The following FRMPD2 variants were observed in gnomAD, a reference collection of about 807,000 sequenced individuals.
FRMPD2 encodes FERM and PDZ domain-containing protein 2.
A neutral mutation model predicts 140.1 loss-of-function variants in FRMPD2; 96 were observed. The observed-to-expected ratio is 0.69, with a 90% CI of 0.58 to 0.81. FRMPD2 has a LOEUF of 0.81. FRMPD2 is among the 40% of genes least tolerant of loss of function. FRMPD2 has a pLI of 0.00. For synonymous variants in FRMPD2, 449 were observed against 547.6 expected (o/e 0.82, Z 2.52); for missense variants, 1,240 against 1,447.4 (o/e 0.86, Z 2.32).
intron 12 of FRMPD2, among the ~76,000 whole-genome samples, chr10:48,221,676 A>G (rs940283804): frequency 6.6e-6 from 1 of 152,260 alleles, no homozygotes; most frequent in Non-Finnish European, 1.5e-5. Flanking sequence ...TCAATAAATT[A>G]GTAAATTACT....
intron 1 of FRMPD2, among the ~76,000 whole-genome samples, chr10:48,257,920 G>T (rs1007111994): frequency 3.3e-5 from 5 of 152,228 alleles, no homozygotes; most frequent in Non-Finnish European, 5.9e-5. Context: ...CCAACTATGG[G>T]ATTTTTAAGA....
intron 13 of FRMPD2, among the ~76,000 whole-genome samples, chr10:48,207,228 C>T (rs918413928): frequency 6.0e-5 from 9 of 150,554 alleles, no homozygotes; most frequent in Non-Finnish European, 1.0e-4. Context: ...GAAAATAACA[C>T]AGTACAATAA....
intron 9 of FRMPD2, among the ~76,000 whole-genome samples, chr10:48,233,608 A>G (rs979069134): frequency 3.3e-5 from 5 of 152,004 alleles, no homozygotes; most frequent in Non-Finnish European, 7.4e-5. Context: ...TGCCCTCTGG[A>G]CACTCTTAAT....
Position 48,222,529 on chromosome 10 carries a change from T to G in FRMPD2, c.1317-78A>C, listed in dbSNP as rs1325806602. On this transcript the variant is annotated intron_variant, in intron 11 of 28. Coordinates refer to ENST00000374201, the MANE Select transcript of FRMPD2 (RefSeq NM_001018071.4). Reference sequence around the variant, plus strand: ...TGTTAGCACCAGTGGGTTTTCTCAGTGTGGGAAGTTGGAAAAGTAGGGAAG... The same window carrying G: ...TGTTAGCACCAGTGGGTTTTCTCAGGGTGGGAAGTTGGAAAAGTAGGGAAG... 8 of 1,492,288 alleles carry G rather than the reference T, an allele frequency of 5.4e-6. No individual in the cohort carries two copies. The Admixed American group carries it at 7.7e-5, about 14-fold the overall frequency. 92.4% of individuals were successfully genotyped at this position (1,492,288 alleles called of 1,614,324 possible).
At position 48,249,056 on chromosome 10, in the gene FRMPD2, C is replaced by A. The variant is rs1448738009; in HGVS notation, c.274G>T (p.Gly92Ter). Residue 92 changes from glycine (G) to a stop codon, truncating the protein, a stop_gained, in exon 3 of 29, where the codon GGA becomes TGA. Transcript: ENST00000374201. LOFTEE classifies it high-confidence loss of function. ...TCAGGCTGCTCATCCTCACTCTGTCCCTGTAGCAGTTCAGGGGCCTTGAAA... is the reference window on the plus strand; with the variant it reads ...TCAGGCTGCTCATCCTCACTCTGTCACTGTAGCAGTTCAGGGGCCTTGAAA... The part of the protein sequence containing the change: ...APFKAPELLQ[G>*]QSEDEQPDAS... The A allele has an allele frequency of 6.2e-7, 1 of 1,613,598 alleles. No homozygotes were observed. Among genetic ancestry groups the A allele is most frequent in the South Asian group, 1.1e-5 (1 of 91,004 alleles).
rs76888038 is a variant in FRMPD2 at position 48,267,468 on chromosome 10, C to A, written c.25+7075G>T. 2.9e-4 allele frequency among the ~76,000 whole-genome samples: 44 copies of A among 152,224 alleles called. No homozygotes were observed. In the East Asian group the frequency reaches 6.6e-3, roughly 23 times the overall value. ...GAACAAGAGAAATGACCCAATCGGACAACAGACATCAAAAGACATTTCTGT... is the reference window on the plus strand; with the variant it reads ...GAACAAGAGAAATGACCCAATCGGAAAACAGACATCAAAAGACATTTCTGT... On this transcript the variant is annotated intron_variant, in intron 1 of 28. Coordinates refer to ENST00000374201, the MANE Select transcript of FRMPD2 (RefSeq NM_001018071.4).
intron 3 of FRMPD2, among the ~76,000 whole-genome samples, chr10:48,246,202 C>T (rs1310536239): frequency 6.6e-6 from 1 of 152,180 alleles, no homozygotes; most frequent in Non-Finnish European, 1.5e-5. Flanking sequence ...CTGCCACCCG[C>T]AAGGCTGGTC....
intron 3 of FRMPD2, 70 bp downstream of exon 3, chr10:48,248,951 A>T (rs1840314313): frequency 7.2e-7 from 1 of 1,388,186 alleles, no homozygotes; most frequent in African/African-American, 1.5e-5. Context: ...GGAGCTGGGG[A>T]GGCTGCCGCT....
intron 15 of FRMPD2, among the ~76,000 whole-genome samples, chr10:48,198,598 T>A (rs944567544): frequency 2.6e-5 from 4 of 152,240 alleles, no homozygotes; most frequent in Non-Finnish European, 4.4e-5. Flanking sequence ...ATAGTTTTTT[T>A]TTCTAATTCT....
Position 48,232,299 on chromosome 10 carries a change from A to G in FRMPD2, c.994-10T>C. On this transcript the variant is annotated splice_polypyrimidine_tract_variant and intron_variant, in intron 9 of 28. Transcript: ENST00000374201. Reference sequence around the variant, plus strand: ...ATTTCCCTTTTTTGGTCTGAAAACAACAACAGTATCAATTATACTACAATT... The same window carrying G: ...ATTTCCCTTTTTTGGTCTGAAAACAGCAACAGTATCAATTATACTACAATT... The G allele has an allele frequency of 3.8e-6, 6 of 1,599,218 alleles. No homozygotes were observed. The highest frequency in any genetic ancestry group is 5.1e-6 in the Non-Finnish European group (6 of 1,170,454).
chr10:48,161,929 C>T (rs1432888659), intron 28 of FRMPD2, among the ~76,000 whole-genome samples: 2 of 150,120 alleles, frequency 1.3e-5, no homozygotes, highest in Admixed American at 1.3e-4. Context: ...CAGCTTGTAC[C>T]TATACCCAGG....
At chr10:48,203,579 T>C (rs1480091583) in intron 14 of FRMPD2, among the ~76,000 whole-genome samples, 1 of 152,202 alleles carries the variant, frequency 6.6e-6, no homozygotes, top group East Asian at 1.9e-4. Flanking sequence ...TTTCAAAGCA[T>C]CAGTTTACCA....
chr10:48,271,573 A>G (rs17009545), intron 1 of FRMPD2, among the ~76,000 whole-genome samples: 4,922 of 152,194 alleles, frequency 0.032, 94 homozygotes, highest in Non-Finnish European at 0.043. Context: ...CTCTATTTCC[A>G]ACAATGTTGG....
chr10:48,260,177 C>CTA (rs1206366483), intron 1 of FRMPD2, among the ~76,000 whole-genome samples: 6 of 150,948 alleles, frequency 4.0e-5, no homozygotes, highest in African/African-American at 1.2e-4. Flanking sequence ...ATAGATAGAT[C>CTA]TATATATATA....
At chr10:48,221,862 G>GTAGA (rs1054472997) in intron 12 of FRMPD2, among the ~76,000 whole-genome samples, 9 of 151,634 alleles carry the variant, frequency 5.9e-5, no homozygotes, top group African/African-American at 9.7e-5. Context: ...GGATGGATAG[G>GTAGA]TAGATGGATG....
chr10:48,193,784 G>A (rs1174969306), intron 15 of FRMPD2, among the ~76,000 whole-genome samples: 1 of 152,096 alleles, frequency 6.6e-6, no homozygotes, highest in African/African-American at 2.4e-5. Flanking sequence ...CACTTCTAGA[G>A]CCTGGTGAAG....
At chr10:48,241,640 C>G (rs887324143) in intron 5 of FRMPD2, among the ~76,000 whole-genome samples, 2 of 152,224 alleles carry the variant, frequency 1.3e-5, no homozygotes, top group Non-Finnish European at 2.9e-5. Context: ...AAGCCAAATG[C>G]CTCCCATGTG....
chr10:48,221,639 A>G (rs979519635), intron 12 of FRMPD2, among the ~76,000 whole-genome samples: 9 of 152,250 alleles, frequency 5.9e-5, no homozygotes, highest in Non-Finnish European at 1.3e-4. Context: ...GGCTATTACT[A>G]TTGATGATGG....
intron 1 of FRMPD2, among the ~76,000 whole-genome samples, chr10:48,261,733 C>G (rs1840593702): frequency 6.6e-6 from 1 of 152,108 alleles, no homozygotes; most frequent in South Asian, 2.1e-4. Flanking sequence ...CTTAATTGAT[C>G]TAACAGATAA....
Sources: gnomAD v4.1 joint callset for allele counts (sites outside exome capture counted in the v4.1 genomes callset) on GRCh38, gnomAD v4.1.1 for gene constraint, MANE v1.5 for transcripts, NCBI Gene and HGNC (gene_info 2026-07-23, HGNC 2026-07-21) for gene names.